Variants in XKR6 observed in about 807,000 individuals in gnomAD.
XKR6 encodes XK-related protein 6.
XKR6 carries 22 observed loss-of-function variants against 56.7 expected under a neutral mutation model. That is an observed-to-expected ratio of 0.39 (90% CI 0.28 to 0.55). The LOEUF (loss-of-function observed/expected upper bound fraction) is 0.55, where lower values mean the gene tolerates loss of function less well. Among genes scored for constraint, XKR6 ranks in the 20% least tolerant of loss-of-function variants. The pLI is 0.66. For synonymous variants in XKR6, 524 were observed against 387.8 expected, an observed-to-expected ratio of 1.35 and a Z score of -4.13; for missense variants, 852 against 889.0, an observed-to-expected ratio of 0.96 and a Z score of 0.53.
chr8:11,040,500 C>T (rs1304098502), intron 1 of XKR6, among the ~76,000 whole-genome samples: 1 of 152,120 alleles, frequency 6.6e-6, no homozygotes, highest in African/African-American at 2.4e-5. Flanking sequence ...CCACAGTACT[C>T]CAGCCTGGGT....
chr8:11,084,495 G>GA (rs961591920), intron 1 of XKR6, among the ~76,000 whole-genome samples: 11 of 150,020 alleles, frequency 7.3e-5, no homozygotes, highest in African/African-American at 2.5e-4. Flanking sequence ...ATTTTGGAAG[G>GA]AAAAAAAAAG....
chr8:10,912,488 G>C (rs1413157552), intron 2 of XKR6, among the ~76,000 whole-genome samples: 1 of 139,816 alleles, frequency 7.2e-6, no homozygotes, highest in African/African-American at 2.8e-5. Flanking sequence ...GAGAGAGAGA[G>C]ACAGGGTGTG....
rs2129106521 is a variant in XKR6, at chr8:10,898,669, A to G, written c.1209T>C (p.His403=). The stretch of plus-strand genomic sequence containing the variant: ...TGGACATGCAGAAGTCTGTTCCGCC[A>G]TGGATGATCCAGAAGGCCATGGCGC... ...HWCAMAFWII[H]GGTDFCMSKW... The change falls in exon 3 of 3, where the codon CAT becomes CAC. Residue 403 remains histidine, a synonymous_variant. Coordinates refer to ENST00000416569, the MANE Select transcript of XKR6 (RefSeq NM_173683.4). The surrounding 1 kb of genome is among the most constrained non-coding windows in gnomAD (Gnocchi z 6.6). The G allele has an allele frequency of 1.2e-6, 2 of 1,614,210 alleles. No individual in the cohort carries two copies. Among genetic ancestry groups the G allele is most frequent in the East Asian group, 2.2e-5 (1 of 44,874 alleles).
In XKR6 at chr8:11,200,833, C is replaced by T; in HGVS notation, c.507G>A (p.Val169=). 1 of 1,612,008 alleles carries T rather than the reference C, an allele frequency of 6.2e-7. No individual in the cohort carries two copies. The highest frequency in any genetic ancestry group is 8.5e-7 in the Non-Finnish European group (1 of 1,179,508). ...YVYFGLTLFF[V]LVPSLLVQSL... is the part of the protein sequence containing the mutation. ...TCTGCACCAGCAGCGACGGCACCAG[C>T]ACGAAGAAGAGGGTCAGCCCGAAGT... The change falls in exon 1 of 3, where the codon GTG becomes GTA. Residue 169 remains valine (V), a synonymous_variant. Transcript: ENST00000416569. The surrounding 1 kb of genome is among the most constrained non-coding windows in gnomAD (Gnocchi z 6.4).
At chr8:10,939,185 TC>T (rs1403468365) in intron 1 of XKR6, among the ~76,000 whole-genome samples, 5 of 152,094 alleles carry the variant, frequency 3.3e-5, no homozygotes, top group Admixed American at 6.5e-5. Context: ...CTTCAGAACT[TC>T]CGCTCCCCAG....
At position 11,182,131 on chromosome 8, in the gene XKR6, G is replaced by C. The variant is rs531331175; in HGVS notation, c.764+18445C>G. ...ACACTATTTACAGTATAGGGTTTTAGAGTAAATACCTTGCCCAAGTTAACT... is the reference window on the plus strand; with the variant it reads ...ACACTATTTACAGTATAGGGTTTTACAGTAAATACCTTGCCCAAGTTAACT... On this transcript the variant is annotated intron_variant, in intron 1 of 2. Coordinates refer to ENST00000416569, the MANE Select transcript of XKR6 (RefSeq NM_173683.4). Among the ~76,000 whole-genome samples the C allele has an allele frequency of 5.9e-5, 9 of 152,336 alleles. No individual in the cohort carries two copies. The South Asian group carries it at 6.2e-4, about 11-fold the overall frequency.
intron 1 of XKR6, among the ~76,000 whole-genome samples, chr8:11,167,798 C>T (rs1285913644): frequency 1.3e-5 from 2 of 151,554 alleles, no homozygotes; most frequent in African/African-American, 4.8e-5. Context: ...TGTTTTAGCT[C>T]CTGGCATTCA....
At chr8:10,917,933 G>A (rs1024374282) in intron 2 of XKR6, among the ~76,000 whole-genome samples, 1 of 152,164 alleles carries the variant, frequency 6.6e-6, no homozygotes, top group Non-Finnish European at 1.5e-5. Flanking sequence ...TTATGTGTGG[G>A]GAGACAGGTA....
chr8:11,191,232 C>T (rs1414811326), intron 1 of XKR6, among the ~76,000 whole-genome samples: 2 of 152,128 alleles, frequency 1.3e-5, no homozygotes, highest in Non-Finnish European at 2.9e-5. Context: ...TTAGAATTAC[C>T]AGGGAGCCTG....
intron 1 of XKR6, among the ~76,000 whole-genome samples, chr8:10,990,068 A>C (rs1797954148): frequency 6.6e-6 from 1 of 152,224 alleles, no homozygotes; most frequent in Admixed American, 6.5e-5. Flanking sequence ...CCCAGACAGC[A>C]GTGGTGCACC....
chr8:11,181,069 A>G lies in XKR6; in HGVS notation c.764+19507T>C, dbSNP rs571516143. On this transcript the variant is annotated intron_variant, in intron 1 of 2. Transcript: ENST00000416569. ...GTATTCTATGAATGAAGAGGAACCA[A>G]AAAAGGTCTTTGACCTGAGAGTAAC... 3.3e-5 allele frequency among the ~76,000 whole-genome samples: 5 copies of G among 152,304 alleles called. No individual in the cohort carries two copies. In the South Asian group the frequency reaches 8.3e-4, roughly 25 times the overall value.
At chr8:11,003,131 A>C (rs531112853) in intron 1 of XKR6, among the ~76,000 whole-genome samples, 1 of 152,034 alleles carries the variant, frequency 6.6e-6, no homozygotes, top group South Asian at 2.1e-4. Context: ...GCATCAACCC[A>C]CCACCTGCCA....
chr8:11,127,222 G>T (rs1233372798), intron 1 of XKR6, among the ~76,000 whole-genome samples: 2 of 152,150 alleles, frequency 1.3e-5, no homozygotes, highest in African/African-American at 2.4e-5. Context: ...CTTGGAGGTG[G>T]TTATTCTGTT....
intron 1 of XKR6, among the ~76,000 whole-genome samples, chr8:10,954,756 C>T (rs942527875): frequency 2.0e-5 from 3 of 151,570 alleles, no homozygotes; most frequent in Admixed American, 1.3e-4. Context: ...AAGGTTTACG[C>T]CTATGTTTTC....
intron 1 of XKR6, among the ~76,000 whole-genome samples, chr8:10,984,732 C>CTCTCTCTATATATATATATATATATA: frequency 6.5e-4 from 31 of 47,466 alleles, no homozygotes; most frequent in Non-Finnish European, 8.0e-4. Context: ...CTCTCTCTCT[C>CTCTCTCTATATATATATATATATATA]TATATATATA....
At chr8:11,021,740 T>A (rs1013150955) in intron 1 of XKR6, among the ~76,000 whole-genome samples, 12 of 152,134 alleles carry the variant, frequency 7.9e-5, no homozygotes, top group Non-Finnish European at 1.8e-4. Context: ...TGTTCTCTCT[T>A]CACTTTCCTG....
At chr8:11,042,474 A>G (rs1799310119) in intron 1 of XKR6, among the ~76,000 whole-genome samples, 1 of 152,168 alleles carries the variant, frequency 6.6e-6, no homozygotes, top group Non-Finnish European at 1.5e-5. Flanking sequence ...TCCCCTGCAC[A>G]TACTCTGTTG....
chr8:10,966,913 GGTCTTAGCCTCA>G (rs1405115973), intron 1 of XKR6, among the ~76,000 whole-genome samples: 1 of 152,048 alleles, frequency 6.6e-6, no homozygotes, highest in East Asian at 1.9e-4. Context: ...TCTGGGGCTA[GGTCTTAGCCTCA>G]GTCATCTTTC....
chr8:11,180,528 G>A (rs1471008206), intron 1 of XKR6, among the ~76,000 whole-genome samples: 1 of 152,194 alleles, frequency 6.6e-6, no homozygotes, highest in East Asian at 1.9e-4. Flanking sequence ...CATCCCTGGT[G>A]GAGAACAAGT....
Sources: allele counts gnomAD v4.1 joint callset (sites outside exome capture counted in the v4.1 genomes callset), GRCh38; gene constraint gnomAD v4.1.1; non-coding constraint Gnocchi (gnomAD v3.1); transcripts MANE v1.5; gene names NCBI Gene and HGNC (gene_info 2026-07-23, HGNC 2026-07-21).